Variants in EYS observed in about 807,000 individuals in gnomAD.
The protein encoded by EYS is protein eyes shut homolog.
A neutral mutation model predicts 282.1 loss-of-function variants in EYS; 250 were observed. The observed-to-expected ratio is 0.89, with a 90% confidence interval of 0.80 to 0.98. The LOEUF is 0.98. EYS is among the 50% of genes least tolerant of loss of function. The probability of loss-of-function intolerance (pLI) is 0.00; values close to 1 mark genes in which losing one functional copy is unlikely to be tolerated. For synonymous variants in EYS, 1,355 were observed against 1,282.9 expected, an observed-to-expected ratio of 1.06 and a Z score of -1.20; for missense variants, 4,016 against 3,709.0, an observed-to-expected ratio of 1.08 and a Z score of -2.15.
intron 2 of EYS, among the ~76,000 whole-genome samples, chr6:65,607,280 A>G (rs142352089): frequency 2.0e-5 from 3 of 151,930 alleles, no homozygotes; most frequent in Non-Finnish European, 4.4e-5. Flanking sequence ...CAAAATTGGC[A>G]AGGCAAAATA....
At chr6:64,141,279 G>T (rs1452027524) in intron 31 of EYS, among the ~76,000 whole-genome samples, 1 of 152,164 alleles carries the variant, frequency 6.6e-6, no homozygotes, top group African/African-American at 2.4e-5. Flanking sequence ...GATGTTGGTT[G>T]GCATGGCTAT....
intron 22 of EYS, among the ~76,000 whole-genome samples, chr6:64,668,463 A>G (rs1022846049): frequency 8.6e-5 from 13 of 151,564 alleles, no homozygotes; most frequent in African/African-American, 3.2e-4. Context: ...TTTAGGTGAC[A>G]CAATTTGCTC....
chr6:64,750,162 T>A (rs1225799932), intron 22 of EYS, among the ~76,000 whole-genome samples: 1 of 152,050 alleles, frequency 6.6e-6, no homozygotes, highest in Non-Finnish European at 1.5e-5. Flanking sequence ...ATCTAGTTAT[T>A]TTTAAAGCTA....
chr6:65,366,287 G>C (rs1372444716), intron 8 of EYS, among the ~76,000 whole-genome samples: 1 of 151,680 alleles, frequency 6.6e-6, no homozygotes, highest in Admixed American at 6.7e-5. Flanking sequence ...TGCTAAACGT[G>C]CCAACCATGT....
intron 28 of EYS, among the ~76,000 whole-genome samples, chr6:64,406,767 C>T (rs1773726106): frequency 6.6e-6 from 1 of 152,164 alleles, no homozygotes; most frequent in Non-Finnish European, 1.5e-5. Context: ...CCATCTCATG[C>T]CAGTTAGAAT....
intron 31 of EYS, among the ~76,000 whole-genome samples, chr6:64,153,289 ATGTAATC>A (rs1774804791): frequency 6.6e-6 from 1 of 152,188 alleles, no homozygotes; most frequent in Admixed American, 6.6e-5. Flanking sequence ...GTGTTTATAA[ATGTAATC>A]ATATTTTGTA....
At chr6:64,767,535 A>AGAT (rs1377346231) in intron 22 of EYS, among the ~76,000 whole-genome samples, 2 of 152,130 alleles carry the variant, frequency 1.3e-5, no homozygotes, top group East Asian at 3.9e-4. Context: ...AACATGAGAT[A>AGAT]GATAACTTTC....
intron 12 of EYS, among the ~76,000 whole-genome samples, chr6:65,072,640 A>G (rs1254822643): frequency 6.6e-6 from 1 of 151,876 alleles, no homozygotes; most frequent in Non-Finnish European, 1.5e-5. Flanking sequence ...GAGCTAAAAC[A>G]TTTTGAGAAA....
At chr6:64,404,725 C>T (rs890042389) in intron 28 of EYS, among the ~76,000 whole-genome samples, 3 of 151,876 alleles carry the variant, frequency 2.0e-5, no homozygotes, top group African/African-American at 7.3e-5. Context: ...GGAACACACT[C>T]CAAAGGAAGT....
intron 22 of EYS, among the ~76,000 whole-genome samples, chr6:64,675,376 T>C (rs1769614985): frequency 6.6e-6 from 1 of 151,982 alleles, no homozygotes; most frequent in South Asian, 2.1e-4. Flanking sequence ...TCTGGTCATA[T>C]GCCTGTGATT....
intron 12 of EYS, among the ~76,000 whole-genome samples, chr6:65,179,231 T>C (rs1181637094): frequency 6.8e-6 from 1 of 146,538 alleles, no homozygotes; most frequent in Non-Finnish European, 1.5e-5. Flanking sequence ...CTGAAGGAAA[T>C]AGAGACACAA....
chr6:65,193,264 A>G (rs1030234778), intron 12 of EYS, among the ~76,000 whole-genome samples: 6 of 151,916 alleles, frequency 3.9e-5, no homozygotes, highest in African/African-American at 1.2e-4. Flanking sequence ...TCAGGTTCAC[A>G]GTGCTAGTAA....
chr6:65,698,587 A>G (rs982541554), intron 1 of EYS, among the ~76,000 whole-genome samples: 7 of 152,182 alleles, frequency 4.6e-5, no homozygotes, highest in Non-Finnish European at 1.0e-4. Context: ...TATCTAACTC[A>G]GATGTTATAT....
chr6:64,336,268 A>G lies in EYS; in HGVS notation c.6079-29186T>C, dbSNP rs1414711639. ...ACCTAACACAAAAAGACTCACATAA[A>G]CTTAAAGGTGTAGGAAAAGGAATTT... is the stretch of plus-strand genomic sequence containing the variant. On this transcript the variant is annotated intron_variant, in intron 29 of 42. Transcript: ENST00000503581. Among the ~76,000 whole-genome samples the G allele has an allele frequency of 2.6e-5, 4 of 152,114 alleles. No homozygotes were observed. In the South Asian group the frequency reaches 6.2e-4, roughly 24 times the overall value.
At chr6:64,788,939 C>T (rs933939810) in intron 22 of EYS, among the ~76,000 whole-genome samples, 10 of 152,064 alleles carry the variant, frequency 6.6e-5, no homozygotes, top group African/African-American at 2.4e-4. Context: ...CTACTTGTAA[C>T]CCAAAACCCG....
chr6:65,025,725 TAAG>T (rs2150140970), intron 13 of EYS, among the ~76,000 whole-genome samples: 1 of 152,086 alleles, frequency 6.6e-6, no homozygotes, highest in East Asian at 1.9e-4. Flanking sequence ...AAAAAATAAA[TAAG>T]AGGAAGAAAA....
At chr6:65,656,406 A>C (rs2149822466) in intron 1 of EYS, among the ~76,000 whole-genome samples, 1 of 152,026 alleles carries the variant, frequency 6.6e-6, no homozygotes, top group East Asian at 1.9e-4. Flanking sequence ...GCAAAGCGGA[A>C]GTTCGTGAGG....
chr6:65,029,274 A>G (rs1442003306), intron 13 of EYS, among the ~76,000 whole-genome samples: 3 of 152,166 alleles, frequency 2.0e-5, no homozygotes, highest in Non-Finnish European at 2.9e-5. Flanking sequence ...TCTCTTATAA[A>G]GGGAAAGAGT....
intron 14 of EYS, among the ~76,000 whole-genome samples, chr6:64,972,496 C>A (rs1190921247): frequency 1.3e-5 from 2 of 152,044 alleles, no homozygotes. Context: ...TCCTCCTCTT[C>A]CTCACTCTAG....
Sources: gnomAD v4.1 joint callset for allele counts (sites outside exome capture counted in the v4.1 genomes callset) on GRCh38, gnomAD v4.1.1 for gene constraint, MANE v1.5 for transcripts, NCBI Gene and HGNC (gene_info 2026-07-23, HGNC 2026-07-21) for gene names.